The following MAML3 variants were observed in gnomAD, a reference collection of about 807,000 sequenced individuals.
MAML3 encodes the protein mastermind-like protein 3.
Under a neutral mutation model 101.9 loss-of-function variants are expected in MAML3, and 27 were observed. The observed-to-expected ratio is 0.27, with a 90% CI of 0.20 to 0.37. The LOEUF (loss-of-function observed/expected upper bound fraction) is 0.37, where lower values mean the gene tolerates loss of function less well. Ranked by LOEUF, MAML3 falls within the 10% of genes least tolerant of loss-of-function variation. The probability of loss-of-function intolerance (pLI) is 1.00; values close to 1 mark genes in which losing one functional copy is unlikely to be tolerated. For synonymous variants in MAML3, 501 were observed against 555.9 expected, an observed-to-expected ratio of 0.90 and a Z score of 1.39; for missense variants, 1,316 against 1,444.9, an observed-to-expected ratio of 0.91 and a Z score of 1.45.
In MAML3 at chr4:140,153,337, CG is replaced by C; in HGVS notation, c.-11del. ...CTGCGAAATCCCCCATCCTGCTCCCCGGGCACACTATTTTGGAAGAACTTTT... is the reference window on the plus strand; with the variant it reads ...CTGCGAAATCCCCCATCCTGCTCCCCGGCACACTATTTTGGAAGAACTTTT... On this transcript the variant is annotated 5_prime_UTR_variant, in exon 1 of 5. Transcript: ENST00000509479. The C allele has an allele frequency of 1.9e-6, 3 of 1,567,590 alleles. No homozygotes were observed. The highest frequency in any genetic ancestry group is 2.6e-6 in the Non-Finnish European group (3 of 1,157,544).
chr4:139,900,703 T>C (rs1323169519), intron 1 of MAML3, among the ~76,000 whole-genome samples: 1 of 152,260 alleles, frequency 6.6e-6, no homozygotes, highest in East Asian at 1.9e-4. Flanking sequence ...TCTTTGCAAA[T>C]GCTAAGGCCA....
At chr4:140,151,096 G>A (rs547539311) in intron 1 of MAML3, among the ~76,000 whole-genome samples, 1 of 152,158 alleles carries the variant, frequency 6.6e-6, no homozygotes, top group East Asian at 2.0e-4. Flanking sequence ...CGGCCCCGGG[G>A]TCTGAGCTGG....
At chr4:140,124,321 C>A (rs1185295627) in intron 1 of MAML3, among the ~76,000 whole-genome samples, 1 of 152,168 alleles carries the variant, frequency 6.6e-6, no homozygotes, top group South Asian at 2.1e-4. Flanking sequence ...AAGATACAAC[C>A]TTCTTGATTA....
intron 1 of MAML3, among the ~76,000 whole-genome samples, chr4:140,038,683 T>C (rs897395240): frequency 1.3e-5 from 2 of 152,180 alleles, no homozygotes; most frequent in Non-Finnish European, 2.9e-5. Flanking sequence ...TAATAGTCCC[T>C]ACCTCCCAGG....
chr4:140,062,374 C>G (rs964406178), intron 1 of MAML3, among the ~76,000 whole-genome samples: 20 of 152,256 alleles, frequency 1.3e-4, no homozygotes, highest in Admixed American at 5.9e-4. Flanking sequence ...GACAGAACTG[C>G]AAATACTGTA....
intron 1 of MAML3, among the ~76,000 whole-genome samples, chr4:140,054,656 A>G (rs769463999): frequency 6.6e-6 from 1 of 152,216 alleles, no homozygotes; most frequent in African/African-American, 2.4e-5. Context: ...CATCTATGAC[A>G]GTATGGGGAA....
intron 1 of MAML3, among the ~76,000 whole-genome samples, chr4:140,038,873 G>A (rs919255276): frequency 1.3e-5 from 2 of 152,176 alleles, no homozygotes; most frequent in African/African-American, 2.4e-5. Context: ...GCTCATGCTT[G>A]TAATCCCAGC....
chr4:139,955,942 G>A (rs1470395835), intron 1 of MAML3, among the ~76,000 whole-genome samples: 2 of 152,148 alleles, frequency 1.3e-5, no homozygotes, highest in South Asian at 2.1e-4. Context: ...CCCTACGAAC[G>A]TGAATTGGAA....
intron 1 of MAML3, among the ~76,000 whole-genome samples, chr4:140,148,157 C>G (rs1729096812): frequency 6.6e-6 from 1 of 152,056 alleles, no homozygotes; most frequent in African/African-American, 2.4e-5. Context: ...TGGCAGAAAT[C>G]CTAAAAAAGA....
intron 1 of MAML3, among the ~76,000 whole-genome samples, chr4:140,036,494 G>A (rs559125131): frequency 2.6e-5 from 4 of 152,246 alleles, no homozygotes; most frequent in East Asian, 1.9e-4. Flanking sequence ...CTTTCAAGTC[G>A]GGTGCTGAGC....
chr4:139,812,706 G>A (rs1730825933), intron 2 of MAML3, among the ~76,000 whole-genome samples: 1 of 152,140 alleles, frequency 6.6e-6, no homozygotes, highest in African/African-American at 2.4e-5. Flanking sequence ...AGCCTATGAG[G>A]AATGACTAAC....
At chr4:140,012,157 A>T (rs1222302590) in intron 1 of MAML3, among the ~76,000 whole-genome samples, 1 of 152,228 alleles carries the variant, frequency 6.6e-6, no homozygotes, top group Non-Finnish European at 1.5e-5. Flanking sequence ...CAACCCAAAA[A>T]ATTTTATTTT....
chr4:140,133,116 T>C (rs1728823925), intron 1 of MAML3: 1 of 445,284 alleles, frequency 2.2e-6, no homozygotes, highest in South Asian at 1.6e-5. Flanking sequence ...GCCATATACA[T>C]GGTAAATATT....
chr4:139,894,516 A>AAAGG (rs1732567371), intron 1 of MAML3, among the ~76,000 whole-genome samples: 1 of 63,596 alleles, frequency 1.6e-5, no homozygotes, highest in Non-Finnish European at 3.5e-5. Flanking sequence ...CTTAAAAAAG[A>AAAGG]AAGAAAGAAA....
chr4:139,881,642 G>A (rs1732220818), intron 2 of MAML3, among the ~76,000 whole-genome samples: 1 of 152,156 alleles, frequency 6.6e-6, no homozygotes, highest in Non-Finnish European at 1.5e-5. Flanking sequence ...AGAAAAACAA[G>A]CATATGAAAA....
intron 1 of MAML3, among the ~76,000 whole-genome samples, chr4:140,096,830 T>G (rs1156659615): frequency 6.6e-6 from 1 of 151,998 alleles, no homozygotes; most frequent in Non-Finnish European, 1.5e-5. Flanking sequence ...TTACATTCTG[T>G]GCAATATTTT....
At chr4:140,121,720 A>C (rs775848509) in intron 1 of MAML3, among the ~76,000 whole-genome samples, 2 of 152,236 alleles carry the variant, frequency 1.3e-5, no homozygotes, top group South Asian at 4.1e-4. Flanking sequence ...AAGGTACTGA[A>C]GGGAACTATT....
chr4:140,013,064 A>G (rs1726589399), intron 1 of MAML3, among the ~76,000 whole-genome samples: 2 of 152,254 alleles, frequency 1.3e-5, no homozygotes, highest in Non-Finnish European at 2.9e-5. Context: ...TTAAAATGTC[A>G]TGTTGCATTC....
At chr4:140,083,140 G>A (rs574791823) in intron 1 of MAML3, among the ~76,000 whole-genome samples, 1 of 152,154 alleles carries the variant, frequency 6.6e-6, no homozygotes, top group Non-Finnish European at 1.5e-5. Context: ...AGAATCGAAG[G>A]CTCAGAACCT....
Sources: gnomAD v4.1 joint callset for allele counts (sites outside exome capture counted in the v4.1 genomes callset) on GRCh38, gnomAD v4.1.1 for gene constraint, MANE v1.5 for transcripts, NCBI Gene and HGNC (gene_info 2026-07-23, HGNC 2026-07-21) for gene names.